Variants in ZNF610 observed in about 807,000 individuals in gnomAD.
ZNF610 encodes the protein zink finger protein.
A neutral mutation model predicts 14.1 loss-of-function variants in ZNF610; 14 were observed. That is an observed-to-expected ratio of 0.99 (90% confidence interval 0.65 to 1.55). The LOEUF (loss-of-function observed/expected upper bound fraction) is 1.55. Ranked by LOEUF, ZNF610 falls within the 40% of genes most tolerant of loss-of-function variation. The probability of loss-of-function intolerance (pLI) is 0.00; values close to 1 mark genes in which losing one functional copy is unlikely to be tolerated. For missense variants in ZNF610, 530 were observed against 558.0 expected (o/e 0.95, Z 0.51); for synonymous variants, 185 against 187.6 (o/e 0.99, Z 0.11).
At chr19:52,335,639 C>T (rs914267129), upstream of ZNF610, among the ~76,000 whole-genome samples, 7 of 152,044 alleles carry the variant, frequency 4.6e-5, no homozygotes, top group African/African-American at 1.2e-4. Flanking sequence ...AAACACTAGA[C>T]GGGCTTAACC....
At chr19:52,349,658 C>T (rs951950656) in intron 3 of ZNF610, among the ~76,000 whole-genome samples, 1 of 151,744 alleles carries the variant, frequency 6.6e-6, no homozygotes, top group Non-Finnish European at 1.5e-5. Flanking sequence ...CTGCAACCTC[C>T]GCCTCCCGGG....
At chr19:52,344,175 A>G (rs1034671298) in intron 1 of ZNF610, 1 of 152,202 alleles carries the variant, frequency 6.6e-6, no homozygotes, top group Non-Finnish European at 1.5e-5. Context: ...AACCTACATA[A>G]CAGGGGGCCC....
intron 3 of ZNF610, among the ~76,000 whole-genome samples, chr19:52,349,583 T>G (rs941153251): frequency 6.6e-6 from 1 of 151,614 alleles, no homozygotes; most frequent in Non-Finnish European, 1.5e-5. Context: ...ATTTTTTTTT[T>G]TTTTTTTGAG....
At chr19:52,338,812 G>A (rs1984507203) in intron 1 of ZNF610, among the ~76,000 whole-genome samples, 1 of 152,146 alleles carries the variant, frequency 6.6e-6, no homozygotes, top group Admixed American at 6.5e-5. Flanking sequence ...ACACCTGTGG[G>A]TGTTTCTCGT....
intron 1 of ZNF610, among the ~76,000 whole-genome samples, chr19:52,343,392 C>T (rs1398288100): frequency 1.3e-5 from 2 of 151,976 alleles, no homozygotes; most frequent in Admixed American, 1.3e-4. Flanking sequence ...CAGAATGAGA[C>T]CCTGTCTCAC....
At chr19:52,337,728 T>A (rs561504710) in intron 1 of ZNF610, among the ~76,000 whole-genome samples, 1 of 152,162 alleles carries the variant, frequency 6.6e-6, no homozygotes, top group South Asian at 2.1e-4. Flanking sequence ...ATATACTGAT[T>A]TCTCTAATTG....
At chr19:52,351,361 C>T (rs773478764) in intron 3 of ZNF610, among the ~76,000 whole-genome samples, 99 of 151,566 alleles carry the variant, frequency 6.5e-4, no homozygotes, top group Non-Finnish European at 7.9e-4. Context: ...GAGGCTTAGG[C>T]GGGAGAATCA....
At chr19:52,363,383 A>G (rs545506939) in intron 5 of ZNF610, among the ~76,000 whole-genome samples, 19 of 152,218 alleles carry the variant, frequency 1.2e-4, no homozygotes, top group African/African-American at 4.6e-4. Context: ...CTCCTGCCTC[A>G]GCCTCCCAAA....
intron 1 of ZNF610, among the ~76,000 whole-genome samples, chr19:52,339,513 G>A (rs560399341): frequency 1.3e-4 from 20 of 152,150 alleles, no homozygotes; most frequent in Middle Eastern, 3.4e-3. Flanking sequence ...GCCTGCAAGC[G>A]CTTTTTAACA....
Position 52,341,719 on chromosome 19 carries a change from T to C in ZNF610, c.-258+5213T>C, listed in dbSNP as rs186212072. Among the ~76,000 whole-genome samples the C allele has an allele frequency of 7.3e-3, 1,107 of 152,274 alleles. 11 individuals carry two copies. The highest frequency in any genetic ancestry group is 0.024 in the Middle Eastern group (7 of 294). On this transcript the variant is annotated intron_variant, in intron 1 of 5. Coordinates refer to ENST00000403906, the MANE Select transcript of ZNF610 (RefSeq NM_001161425.2). ...ATAGCTCACTGTAACCTCGAACTCCTAGGCTCAAATGATCCTCCTGCCTCA... is the reference window on the plus strand; with the variant it reads ...ATAGCTCACTGTAACCTCGAACTCCCAGGCTCAAATGATCCTCCTGCCTCA...
intron 1 of ZNF610, among the ~76,000 whole-genome samples, chr19:52,346,414 C>T (rs761428707): frequency 1.5e-4 from 23 of 151,976 alleles, no homozygotes; most frequent in South Asian, 2.1e-4. Flanking sequence ...CTGCCCGCCT[C>T]GGCCTCCCAA....
chr19:52,335,626 T>C (rs1056804130), upstream of ZNF610, among the ~76,000 whole-genome samples: 1 of 151,986 alleles, frequency 6.6e-6, no homozygotes, highest in Non-Finnish European at 1.5e-5. Flanking sequence ...CAGAAGAACG[T>C]GAAAACACTA....
intron 5 of ZNF610, among the ~76,000 whole-genome samples, chr19:52,362,986 T>C (rs548386244): frequency 1.3e-5 from 2 of 152,214 alleles, no homozygotes; most frequent in South Asian, 4.1e-4. Flanking sequence ...TTTATTTTTA[T>C]TTTTTAGTTT....
intron 3 of ZNF610, among the ~76,000 whole-genome samples, chr19:52,349,855 C>T (rs1164690274): frequency 6.6e-6 from 1 of 152,182 alleles, no homozygotes; most frequent in Non-Finnish European, 1.5e-5. Flanking sequence ...AGGCGTGAGC[C>T]ACCGCGCCTG....
chr19:52,362,168 C>T (rs577505907), intron 5 of ZNF610, among the ~76,000 whole-genome samples: 192 of 152,134 alleles, frequency 1.3e-3, no homozygotes, highest in African/African-American at 4.4e-3. Context: ...CCCAGCACTT[C>T]GGGAGGCCGA....
intron 5 of ZNF610, among the ~76,000 whole-genome samples, chr19:52,361,881 A>G (rs1600240180): frequency 6.6e-6 from 1 of 151,970 alleles, no homozygotes; most frequent in Non-Finnish European, 1.5e-5. Context: ...GGTTTTTTTT[A>G]TACTTCATTG....
upstream of ZNF610, among the ~76,000 whole-genome samples, chr19:52,333,595 C>T (rs112730361): frequency 6.9e-3 from 1,045 of 152,248 alleles, 17 homozygotes; most frequent in East Asian, 0.028. Context: ...CTATCCCTGA[C>T]GTAGCTTTCC....
rs375895189 is a variant in ZNF610, at chr19:52,337,825, T to C, written c.-258+1319T>C. On this transcript the variant is annotated intron_variant, in intron 1 of 5. Transcript: ENST00000403906. ...CTGCCTATAAGGGAAGTGCATTTTA[T>C]AATTCTTGACATCACAAGTTAGCTT... Among the ~76,000 whole-genome samples, 3 of 152,244 alleles carry C rather than the reference T, an allele frequency of 2.0e-5. No individual in the cohort carries two copies. In the East Asian group the frequency reaches 5.8e-4, roughly 29 times the overall value.
At chr19:52,338,229 G>A (rs1026965266) in intron 1 of ZNF610, among the ~76,000 whole-genome samples, 2 of 152,228 alleles carry the variant, frequency 1.3e-5, no homozygotes, top group African/African-American at 4.8e-5. Context: ...TGAACCGGGG[G>A]TTCCCATGAC....
Sources: allele counts gnomAD v4.1 joint callset (sites outside exome capture counted in the v4.1 genomes callset), GRCh38; gene constraint gnomAD v4.1.1; transcripts MANE v1.5; gene names NCBI Gene and HGNC (gene_info 2026-07-23, HGNC 2026-07-21).